The following FHIP1A variants were observed in gnomAD, a reference collection of about 807,000 sequenced individuals.
FHIP1A encodes the protein FHF complex subunit HOOK-interacting protein 1A.
A neutral mutation model predicts 88.6 loss-of-function variants in FHIP1A; 61 were observed. That is an observed-to-expected ratio of 0.69 (90% CI 0.56 to 0.85). FHIP1A has a LOEUF of 0.85. Among genes scored for constraint, FHIP1A ranks in the 40% least tolerant of loss-of-function variants. FHIP1A has a pLI of 0.00. For missense variants in FHIP1A, 1,154 were observed against 1,273.5 expected (o/e 0.91, Z 1.43); for synonymous variants, 478 against 496.0 (o/e 0.96, Z 0.48).
intron 1 of FHIP1A, among the ~76,000 whole-genome samples, chr4:151,412,105 A>G (rs1034727854): frequency 6.6e-6 from 1 of 152,132 alleles, no homozygotes; most frequent in Non-Finnish European, 1.5e-5. Context: ...GTTCAGAGAT[A>G]ATAAGGGACT....
intron 3 of FHIP1A, among the ~76,000 whole-genome samples, chr4:151,532,576 G>A (rs1731917043): frequency 6.6e-6 from 1 of 152,162 alleles, no homozygotes; most frequent in Admixed American, 6.5e-5. Context: ...AGCTAGGTAA[G>A]GATTCTAACT....
intron 1 of FHIP1A, among the ~76,000 whole-genome samples, chr4:151,445,661 G>A (rs1047067856): frequency 6.6e-6 from 1 of 151,596 alleles, no homozygotes; most frequent in East Asian, 1.9e-4. Flanking sequence ...TAGGAACCCT[G>A]TGCCAGGAAT....
intron 7 of FHIP1A, among the ~76,000 whole-genome samples, chr4:151,619,869 C>G (rs763646656): frequency 5.3e-5 from 8 of 152,156 alleles, no homozygotes; most frequent in Non-Finnish European, 1.0e-4. Flanking sequence ...TTACAGAAAA[C>G]TCCCTTTAAT....
At chr4:151,530,181 C>T (rs2126710575) in intron 3 of FHIP1A, among the ~76,000 whole-genome samples, 1 of 152,298 alleles carries the variant, frequency 6.6e-6, no homozygotes, top group East Asian at 1.9e-4. Context: ...TGAGAAGTCT[C>T]CTCCTGAGTT....
intron 3 of FHIP1A, among the ~76,000 whole-genome samples, chr4:151,502,549 A>G (rs1485142756): frequency 1.3e-5 from 2 of 152,160 alleles, no homozygotes; most frequent in Non-Finnish European, 1.5e-5. Flanking sequence ...AGATAGGGCA[A>G]CAGGAATCAC....
chr4:151,418,431 A>G (rs1178301940), intron 1 of FHIP1A, among the ~76,000 whole-genome samples: 1 of 152,162 alleles, frequency 6.6e-6, no homozygotes, highest in African/African-American at 2.4e-5. Context: ...CCAGCTTGCA[A>G]CAATTGGAGA....
At chr4:151,615,819 T>C (rs1301652080) in intron 7 of FHIP1A, among the ~76,000 whole-genome samples, 1 of 152,180 alleles carries the variant, frequency 6.6e-6, no homozygotes, top group Non-Finnish European at 1.5e-5. Flanking sequence ...GGGGAAAATA[T>C]AATTTGGGGA....
chr4:151,520,461 A>C lies in FHIP1A; in HGVS notation c.-123+37813A>C, dbSNP rs1048022632. Among the ~76,000 whole-genome samples the C allele has an allele frequency of 3.9e-5, 6 of 152,226 alleles. 1 individual carries two copies. In the East Asian group the frequency reaches 1.2e-3, roughly 29 times the overall value. ...ATTTTTAGTAGTGGTATATTCTATG[A>C]ATGTTCCATAAATCATATGGAATCA... On this transcript the variant is annotated intron_variant, in intron 3 of 13. Coordinates refer to ENST00000435205, the MANE Select transcript of FHIP1A (RefSeq NM_001109977.3).
chr4:151,626,611 C>G (rs542854417), intron 7 of FHIP1A, among the ~76,000 whole-genome samples: 2 of 152,302 alleles, frequency 1.3e-5, no homozygotes, highest in South Asian at 4.1e-4. Flanking sequence ...TTTAGTATCC[C>G]TAAACTTTAT....
intron 7 of FHIP1A, among the ~76,000 whole-genome samples, chr4:151,622,506 A>T (rs907208299): frequency 5.9e-5 from 9 of 152,082 alleles, no homozygotes; most frequent in Non-Finnish European, 1.5e-5. Flanking sequence ...CCTTCTGGTG[A>T]TTCTGTGAGA....
Position 151,656,190 on chromosome 4 carries a change from T to C in FHIP1A, c.2552-42T>C. ...TGCAATTGTCAGGGAAAGGCATCCC[T>C]GTGAGCCCAGCCAGCCCTGAAGCCT... is the stretch of plus-strand genomic sequence containing the variant. On this transcript the variant is annotated intron_variant, in intron 11 of 13. Coordinates refer to ENST00000435205, the MANE Select transcript of FHIP1A (RefSeq NM_001109977.3). The surrounding 1 kb of genome is among the most constrained non-coding windows in gnomAD (Gnocchi z 4.2). The C allele has an allele frequency of 1.3e-6, 2 of 1,515,220 alleles. No individual in the cohort carries two copies. The highest frequency in any genetic ancestry group is 9.0e-7 in the Non-Finnish European group (1 of 1,116,078). 93.9% of individuals were successfully genotyped at this position (1,515,220 alleles called of 1,614,324 possible).
intron 3 of FHIP1A, among the ~76,000 whole-genome samples, chr4:151,488,726 T>C (rs1204014742): frequency 6.6e-6 from 1 of 152,232 alleles, no homozygotes; most frequent in Non-Finnish European, 1.5e-5. Flanking sequence ...CAAACTGTTT[T>C]AGTTGTTTGT....
Position 151,646,478 on chromosome 4 carries a change from T to A in FHIP1A, c.1227-80T>A, listed in dbSNP as rs149590372. The A allele has an allele frequency of 6.0e-5, 56 of 940,866 alleles. No individual in the cohort carries two copies. In the African/African-American group the frequency reaches 8.2e-4, roughly 14 times the overall value. 58.3% of individuals were successfully genotyped at this position (940,866 alleles called of 1,614,324 possible). Reference sequence around the variant, plus strand: ...TGAGTCTGCCCCTGGCCACAAGGAGTCCCTGTTATGGTTTAGTTAGTCCCA... The same window carrying A: ...TGAGTCTGCCCCTGGCCACAAGGAGACCCTGTTATGGTTTAGTTAGTCCCA... On this transcript the variant is annotated intron_variant, in intron 9 of 13. Transcript: ENST00000435205.
chr4:151,509,191 C>T (rs1055091809), intron 3 of FHIP1A, among the ~76,000 whole-genome samples: 2 of 152,048 alleles, frequency 1.3e-5, no homozygotes, highest in African/African-American at 4.8e-5. Flanking sequence ...TTGAGACAGT[C>T]TCACTCTGTC....
chr4:151,494,584 T>C (rs1730394501), intron 3 of FHIP1A, among the ~76,000 whole-genome samples: 1 of 152,216 alleles, frequency 6.6e-6, no homozygotes, highest in Admixed American at 6.5e-5. Context: ...CCTTGTAGTA[T>C]GGTTTAAAGT....
chr4:151,496,716 C>CA (rs1730475611), intron 3 of FHIP1A, among the ~76,000 whole-genome samples: 4 of 102,472 alleles, frequency 3.9e-5, no homozygotes, highest in Non-Finnish European at 1.9e-5. Flanking sequence ...CCACGTCCAG[C>CA]TTTTTTTTTT....
At chr4:151,580,507 C>A (rs896542459) in intron 5 of FHIP1A, among the ~76,000 whole-genome samples, 1 of 152,064 alleles carries the variant, frequency 6.6e-6, no homozygotes, top group South Asian at 2.1e-4. Context: ...GTGAAAAAAA[C>A]AAGAACTTTT....
At chr4:151,533,571 A>G (rs1231956711) in intron 3 of FHIP1A, among the ~76,000 whole-genome samples, 1 of 152,192 alleles carries the variant, frequency 6.6e-6, no homozygotes, top group African/African-American at 2.4e-5. Context: ...TCCATCTGTA[A>G]TTATTTATTG....
intron 7 of FHIP1A, among the ~76,000 whole-genome samples, chr4:151,620,890 A>C (rs1436191294): frequency 7.3e-4 from 106 of 144,480 alleles, no homozygotes; most frequent in Non-Finnish European, 1.2e-3. Flanking sequence ...AAAAAAAAAA[A>C]CCCCACACAA....
Sources: gnomAD v4.1 joint callset for allele counts (sites outside exome capture counted in the v4.1 genomes callset) on GRCh38, gnomAD v4.1.1 for gene constraint, Gnocchi (gnomAD v3.1) non-coding constraint, MANE v1.5 for transcripts, NCBI Gene and HGNC (gene_info 2026-07-23, HGNC 2026-07-21) for gene names.